Variants in SH2D1A observed in about 807,000 individuals in gnomAD.
The protein encoded by SH2D1A is SH2 domain containing 1A.
Under a neutral mutation model 10.1 loss-of-function variants are expected in SH2D1A, and 6 were observed. The ratio of observed to expected loss-of-function variants is 0.60; its 90% CI spans 0.33 to 1.18. The LOEUF (loss-of-function observed/expected upper bound fraction) is 1.18, where lower values mean the gene tolerates loss of function less well. Among genes scored for constraint, SH2D1A ranks in the 50% most tolerant of loss-of-function variants. The pLI, the probability that SH2D1A is intolerant of heterozygous loss-of-function variation, is 0.04. For missense variants in SH2D1A, 51 were observed against 97.6 expected (o/e 0.52, Z 2.01); for synonymous variants, 42 against 36.9 (o/e 1.14, Z -0.51).
chrX:124,350,984 A>G (rs1309995870), intron 1 of SH2D1A, among the ~76,000 whole-genome samples: 1 of 41,721 alleles, frequency 2.4e-5, no homozygotes, highest in Non-Finnish European at 3.5e-5. Context: ...GATATAATAT[A>G]TTATATATAT....
chrX:124,355,588 G>A (rs2060024439), intron 1 of SH2D1A, among the ~76,000 whole-genome samples: 1 of 111,546 alleles, frequency 9.0e-6, no homozygotes, highest in Admixed American at 9.5e-5. Context: ...TATTAAGGGA[G>A]GGAGTCAGAG....
At chrX:124,363,872 C>T (rs5956649) in intron 1 of SH2D1A, among the ~76,000 whole-genome samples, 1,475 of 69,086 alleles carry the variant, frequency 0.021, 48 homozygotes, top group African/African-American at 0.082. Context: ...GCCTGGGCAA[C>T]AGAGCGAGAC....
Position 124,346,750 on chromosome X carries a change from C to T in SH2D1A, c.108C>T (p.Ser36=). 8.3e-7 allele frequency: 1 copy of T among 1,211,227 alleles called. No individual in the cohort carries two copies. Among genetic ancestry groups the T allele is most frequent in the Non-Finnish European group, 1.1e-6 (1 of 895,059 alleles). The part of the protein sequence containing the change: ...DGSYLLRDSE[S]VPGVYCLCVL... ...GCTATTTGCTGAGGGACAGCGAGAG[C>T]GTGCCAGGCGTGTACTGCCTATGTG... The change falls in exon 1 of 4, where the codon AGC becomes AGT. Residue 36 remains serine, a synonymous_variant. Transcript: ENST00000371139.
rs1237738020 is a variant in SH2D1A, at chrX:124,351,075, ATAT to A, written c.137+4303_137+4305del. Among the ~76,000 whole-genome samples, 14 of 92,963 alleles carry A rather than the reference ATAT, an allele frequency of 1.5e-4. No homozygotes were observed. The East Asian group carries it at 2.2e-3, about 15-fold the overall frequency. The allele number at this position is 92,963 out of a possible 115,157, so 80.7% of individuals were successfully genotyped here. A position where few individuals can be genotyped will look rare whatever the true frequency, so the allele number is the denominator to read the frequency against. On this transcript the variant is annotated intron_variant, in intron 1 of 3. Transcript: ENST00000371139. Reference sequence around the variant, plus strand: ...TTATTATAAATATATATTTTTATATATATTATTATAAATATATATTTATATATA... The same window carrying A: ...TTATTATAAATATATATTTTTATATATATTATAAATATATATTTATATATA...
rs1412260713 is a variant in SH2D1A, at chrX:124,372,335, A to AT, written c.*948dup. 1.2e-5 allele frequency: 2 copies of AT among 169,362 alleles called. No homozygotes were observed. The highest frequency in any genetic ancestry group is 6.0e-5 in the African/African-American group (2 of 33,573). The allele number at this position is 169,362 out of a possible 1,213,427, so 14.0% of individuals were successfully genotyped here. A position where few individuals can be genotyped will look rare whatever the true frequency, so the allele number is the denominator to read the frequency against. On this transcript the variant is annotated 3_prime_UTR_variant, in exon 4 of 4. Transcript: ENST00000371139. ...TTCTTCTCACATTTATATTTTTGTG[A>AT]TTTTGTGATTGATTATATGTCACTT...
At chrX:124,370,078 A>G in intron 2 of SH2D1A, 98 bp from the exon 3 acceptor site, 1 of 637,643 alleles carries the variant, frequency 1.6e-6, no homozygotes, top group Non-Finnish European at 2.6e-6. Context: ...AACAAGTTAC[A>G]CAAATGTTAC....
In SH2D1A at chrX:124,346,878, C is replaced by T. The variant is rs182286559; in HGVS notation, c.137+99C>T. The T allele has an allele frequency of 3.4e-4, 342 of 1,014,925 alleles. 1 individual carries two copies. The East Asian group carries it at 9.0e-3, about 27-fold the overall frequency. 83.6% of individuals were successfully genotyped at this position (1,014,925 alleles called of 1,213,427 possible). A position where few individuals can be genotyped will look rare whatever the true frequency, so the allele number is the denominator to read the frequency against. On this transcript the variant is annotated intron_variant, in intron 1 of 3. Coordinates refer to ENST00000371139, the MANE Select transcript of SH2D1A (RefSeq NM_002351.5). ...AGGCCGAGGCAGGCAGGGGCGCCGG[C>T]GTTAGCAGCTCGCCGACGCCTCCTC...
At chrX:124,361,995 G>T (rs1187830978) in intron 1 of SH2D1A, among the ~76,000 whole-genome samples, 2 of 112,111 alleles carry the variant, frequency 1.8e-5, no homozygotes, top group Non-Finnish European at 3.8e-5. Context: ...GATTACTTAT[G>T]ATGTTAACCA....
intron 1 of SH2D1A, among the ~76,000 whole-genome samples, chrX:124,360,439 A>C (rs1472545507): frequency 1.5e-5 from 1 of 65,809 alleles, no homozygotes; most frequent in African/African-American, 8.2e-5. Context: ...CTGTCTCTGC[A>C]AAAACTAAAA....
At chrX:124,369,315 T>C (rs1260523988) in intron 2 of SH2D1A, among the ~76,000 whole-genome samples, 1 of 112,025 alleles carries the variant, frequency 8.9e-6, no homozygotes, top group Admixed American at 9.5e-5. Context: ...AGGTTTGAGC[T>C]GATGCCTGAA....
rs1164838079 is a variant in SH2D1A at position 124,372,056 on chromosome X, T to C, written c.*665T>C. On this transcript the variant is annotated 3_prime_UTR_variant, in exon 4 of 4. Transcript: ENST00000371139. The stretch of plus-strand genomic sequence containing the variant: ...GTTTATCGTATTTGATGCTACAGGA[T>C]TTGAAATTGTATTACAAATCCAATG... 1.9e-5 allele frequency: 3 copies of C among 159,092 alleles called. No individual in the cohort carries two copies. The Admixed American group carries it at 2.5e-4, about 13-fold the overall frequency. The allele number at this position is 159,092 out of a possible 1,213,427, so 13.1% of individuals were successfully genotyped here. A position where few individuals can be genotyped will look rare whatever the true frequency, so the allele number is the denominator to read the frequency against.
intron 2 of SH2D1A, among the ~76,000 whole-genome samples, chrX:124,366,621 G>C (rs745998622): frequency 9.0e-6 from 1 of 111,011 alleles, no homozygotes; most frequent in Non-Finnish European, 1.9e-5. Flanking sequence ...TTATCAGTAA[G>C]TTGGAAAGTA....
chrX:124,348,239 A>G (rs905997296), intron 1 of SH2D1A, among the ~76,000 whole-genome samples: 1 of 111,655 alleles, frequency 9.0e-6, no homozygotes, highest in African/African-American at 3.3e-5. Context: ...GGGAAGGGCA[A>G]TGAAAACCAG....
intron 1 of SH2D1A, among the ~76,000 whole-genome samples, chrX:124,352,070 C>T (rs2147523516): frequency 9.0e-6 from 1 of 111,166 alleles, no homozygotes; most frequent in East Asian, 2.8e-4. Flanking sequence ...GCTAGAAAGT[C>T]CTTTCCCCTT....
At position 124,346,940 on chromosome X, in the gene SH2D1A, G is replaced by A. The variant is rs180737764; in HGVS notation, c.137+161G>A. ...CTCAAGTCCAGCCCAGGGCCGTGGTGGAACACACTTTCGCCTCAATCCCTC... is the reference window on the plus strand; with the variant it reads ...CTCAAGTCCAGCCCAGGGCCGTGGTAGAACACACTTTCGCCTCAATCCCTC... On this transcript the variant is annotated intron_variant, in intron 1 of 3. Coordinates refer to ENST00000371139, the MANE Select transcript of SH2D1A (RefSeq NM_002351.5). Among the ~76,000 whole-genome samples, 18 of 111,868 alleles carry A rather than the reference G, an allele frequency of 1.6e-4. No homozygotes were observed. The East Asian group carries it at 5.1e-3, about 32-fold the overall frequency.
At chrX:124,361,561 C>T (rs190119794) in intron 1 of SH2D1A, among the ~76,000 whole-genome samples, 23 of 111,619 alleles carry the variant, frequency 2.1e-4, no homozygotes, top group Admixed American at 3.8e-4. Context: ...AAAGCATAGA[C>T]GGCTGTGAAC....
chrX:124,363,342 A>C (rs1353936878), intron 1 of SH2D1A, among the ~76,000 whole-genome samples: 4 of 111,816 alleles, frequency 3.6e-5, no homozygotes, highest in Non-Finnish European at 7.5e-5. Context: ...CTTGTTTTTA[A>C]TTCATATATT....
chrX:124,368,043 TC>T (rs2060060227), intron 2 of SH2D1A, among the ~76,000 whole-genome samples: 1 of 111,711 alleles, frequency 9.0e-6, no homozygotes, highest in Admixed American at 9.5e-5. Flanking sequence ...AAACATCAGA[TC>T]CCCAATTCAA....
chrX:124,357,276 A>G (rs763240750), intron 1 of SH2D1A, among the ~76,000 whole-genome samples: 2 of 112,074 alleles, frequency 1.8e-5, no homozygotes, highest in South Asian at 3.7e-4. Flanking sequence ...CACTTTACAA[A>G]CTGTCCTCCA....
Sources: allele counts gnomAD v4.1 joint callset (sites outside exome capture counted in the v4.1 genomes callset), GRCh38; gene constraint gnomAD v4.1.1; transcripts MANE v1.5; gene names NCBI Gene and HGNC (gene_info 2026-07-23, HGNC 2026-07-21).